AP5M1: variants seen among roughly 807,000 people sequenced by gnomAD.
AP5M1 encodes adaptor related protein complex 5 subunit mu 1.
A neutral mutation model predicts 52.3 loss-of-function variants in AP5M1; 44 were observed. The ratio of observed to expected loss-of-function variants is 0.84; its 90% confidence interval spans 0.66 to 1.08. The LOEUF is 1.08. AP5M1 is among the 50% of genes least tolerant of loss of function. The pLI is 0.00. For missense variants in AP5M1, 526 were observed against 568.4 expected, an observed-to-expected ratio of 0.93 and a Z score of 0.76; for synonymous variants, 213 against 199.0, an observed-to-expected ratio of 1.07 and a Z score of -0.59.
chr14:57,296,663 A>G lies in AP5M1; in HGVS notation c.*7779A>G, dbSNP rs1385788686. 2.0e-5 allele frequency: 3 copies of G among 152,218 alleles called. No homozygotes were observed. The East Asian group carries it at 5.8e-4, about 29-fold the overall frequency. 9.4% of individuals were successfully genotyped at this position (152,218 alleles called of 1,614,324 possible). On this transcript the variant is annotated 3_prime_UTR_variant, in exon 8 of 8. Transcript: ENST00000261558. ...CTCGTGCCATAAGTATTTCTCTCAT[A>G]CATATTAAAATAGCATGTTATTTTA...
At position 57,294,676 on chromosome 14, in the gene AP5M1, T is replaced by G. The variant is rs575072342; in HGVS notation, c.*5792T>G. 19 of 152,042 alleles carry G rather than the reference T, an allele frequency of 1.2e-4. No individual in the cohort carries two copies. Among genetic ancestry groups the G allele is most frequent in the African/African-American group, 4.3e-4 (18 of 41,532 alleles). 9.4% of individuals were successfully genotyped at this position (152,042 alleles called of 1,614,324 possible). A position where few individuals can be genotyped will look rare whatever the true frequency, so the allele number is the denominator to read the frequency against. On this transcript the variant is annotated 3_prime_UTR_variant, in exon 8 of 8. Transcript: ENST00000261558. The stretch of plus-strand genomic sequence containing the variant: ...TTCCAGACTACTTAGCTGGGGCTCT[T>G]TAAATGTTGGAACTATAGTAACACA...
In AP5M1 at chr14:57,273,789, C is replaced by G. The variant is rs1884949950; in HGVS notation, c.75-455C>G. 5.7e-6 allele frequency: 4 copies of G among 699,284 alleles called. No individual in the cohort carries two copies. The South Asian group carries it at 6.0e-5, about 10-fold the overall frequency. The allele number at this position is 699,284 out of a possible 1,614,324, so 43.3% of individuals were successfully genotyped here. ...AACATTCCTTTTAAAATTGTACCATCTCAACTAATGAATCCAAAATTATGG... is the reference window on the plus strand; with the variant it reads ...AACATTCCTTTTAAAATTGTACCATGTCAACTAATGAATCCAAAATTATGG... On this transcript the variant is annotated intron_variant, in intron 1 of 7. Coordinates refer to ENST00000261558, the MANE Select transcript of AP5M1 (RefSeq NM_018229.4).
intron 6 of AP5M1, among the ~76,000 whole-genome samples, 185 bp from the exon 7 acceptor site, chr14:57,286,038 A>G (rs996135361): frequency 1.3e-5 from 2 of 152,190 alleles, no homozygotes; most frequent in Non-Finnish European, 2.9e-5. Flanking sequence ...AAACGGAAAA[A>G]AAAACTGTGT....
At position 57,293,219 on chromosome 14, in the gene AP5M1, C is replaced by T. The variant is rs1423250474; in HGVS notation, c.*4335C>T. 3.3e-5 allele frequency: 5 copies of T among 151,194 alleles called. No homozygotes were observed. Among genetic ancestry groups the T allele is most frequent in the Non-Finnish European group, 5.9e-5 (4 of 67,658 alleles). The allele number at this position is 151,194 out of a possible 1,614,324, so 9.4% of individuals were successfully genotyped here. A position where few individuals can be genotyped will look rare whatever the true frequency, so the allele number is the denominator to read the frequency against. On this transcript the variant is annotated 3_prime_UTR_variant, in exon 8 of 8. Coordinates refer to ENST00000261558, the MANE Select transcript of AP5M1 (RefSeq NM_018229.4). ...GATGTCAAATCGGGATTTATTCCTC[C>T]AGTATATTTTAAGACCTTTAAAAAA...
intron 1 of AP5M1, among the ~76,000 whole-genome samples, chr14:57,271,725 T>C (rs1470580641): frequency 6.6e-6 from 1 of 152,254 alleles, no homozygotes; most frequent in Non-Finnish European, 1.5e-5. Flanking sequence ...TGAAGTTTTT[T>C]CTCACCCATA....
chr14:57,269,274 A>G lies in AP5M1; in HGVS notation c.-41A>G, dbSNP rs1884812871. The stretch of plus-strand genomic sequence containing the variant: ...CGGTCTGCGCTGTTCCTCGGTGGCG[A>G]CCTTAATTATGAGATGAGCTAATGC... On this transcript the variant is annotated 5_prime_UTR_variant, in exon 1 of 8. Transcript: ENST00000261558. 6.3e-7 allele frequency: 1 copy of G among 1,598,762 alleles called. No individual in the cohort carries two copies. The highest frequency in any genetic ancestry group is 1.3e-5 in the African/African-American group (1 of 74,266).
In AP5M1 at chr14:57,295,147, TAGG is replaced by T. The variant is rs1405265752; in HGVS notation, c.*6266_*6268del. The T allele has an allele frequency of 1.3e-5, 2 of 151,894 alleles. No individual in the cohort carries two copies. 9.4% of individuals were successfully genotyped at this position (151,894 alleles called of 1,614,324 possible). On this transcript the variant is annotated 3_prime_UTR_variant, in exon 8 of 8. Transcript: ENST00000261558. ...GTAGCAGATTTGTTTCTAAAGGACA[TAGG>T]AGTGCATTTTTTATATGAAACCAGA...
intron 1 of AP5M1, chr14:57,273,654 C>T (rs1347612155): frequency 4.2e-5 from 29 of 693,794 alleles, no homozygotes; most frequent in Non-Finnish European, 7.1e-5. Context: ...AAAGTATCTT[C>T]CAGGGCCATA....
In AP5M1 at chr14:57,283,210, G is replaced by A. The variant is rs1171478546; in HGVS notation, c.1273G>A (p.Gly425Arg). The A allele has an allele frequency of 1.2e-6, 2 of 1,610,016 alleles. No homozygotes were observed. The highest frequency in any genetic ancestry group is 1.7e-6 in the Non-Finnish European group (2 of 1,176,754). The change falls in exon 6 of 8, where the codon GGA (glycine) becomes AGA (arginine). Residue 425 changes from glycine (G) to arginine (R), a missense_variant. Around this residue, in one of 3 missense-constraint regions of AP5M1, gnomAD observed 97 missense variants for 121.3 expected, o/e 0.80. Coordinates refer to ENST00000261558, the MANE Select transcript of AP5M1 (RefSeq NM_018229.4). Reference protein sequence around the residue: ...EKQPFDPICTGETAYLKLHFR... With the variant: ...EKQPFDPICTRETAYLKLHFR... ...GCAGCCATTTGACCCAATTTGTACT[G>A]GAGAAACAGCATATTTAAAGGTAAA... is the stretch of plus-strand genomic sequence containing the variant.
At position 57,280,250 on chromosome 14, in the gene AP5M1, A is replaced by G. The variant is rs200156039; in HGVS notation, c.776A>G (p.Asn259Ser). The G allele has an allele frequency of 3.2e-5, 52 of 1,613,938 alleles. No individual in the cohort carries two copies. The highest frequency in any genetic ancestry group is 1.6e-4 in the Middle Eastern group (1 of 6,084). Residue 259 changes from asparagine to serine, a missense_variant, in exon 3 of 8, where the codon AAT becomes AGT. Asn to Ser is a conservative substitution (Grantham distance 46, BLOSUM62 1). Transcript: ENST00000261558. ...NVTISLSLPT[N>S]GSPLQDILVH... ...ACCATCAGCTTGAGTCTCCCCACCA[A>G]TGGATCTCCACTTCAGGATATTCTA...
Position 57,283,148 on chromosome 14 carries a change from C to G in AP5M1, c.1211C>G (p.Ser404Cys), listed in dbSNP as rs756510801. The G allele has an allele frequency of 6.2e-7, 1 of 1,613,708 alleles. No homozygotes were observed. Among genetic ancestry groups the G allele is most frequent in the Non-Finnish European group, 8.5e-7 (1 of 1,179,874 alleles). The change falls in exon 6 of 8, where the codon TCT becomes TGT. Residue 404 changes from serine (S) to cysteine (C), a missense_variant. This residue lies in a region of AP5M1 where 97 missense variants were observed against 121.3 expected (regional missense o/e 0.80). Coordinates refer to ENST00000261558, the MANE Select transcript of AP5M1 (RefSeq NM_018229.4). ...CCAAAATCAATGGAAATTAGTCTTT[C>G]TGGAACTGTAACTTTTGGAGCCAAG... is the stretch of plus-strand genomic sequence containing the variant. ...KFPKSMEISLSGTVTFGAKSH... is the reference protein window; with the variant it reads ...KFPKSMEISLCGTVTFGAKSH...
chr14:57,283,349 G>T, intron 6 of AP5M1, 119 bp downstream of exon 6: 1 of 666,490 alleles, frequency 1.5e-6, no homozygotes, highest in Non-Finnish European at 2.5e-6. Context: ...CTTTTAGTCT[G>T]GGATAAGTTC....
chr14:57,274,909 C>A lies in AP5M1; in HGVS notation c.720+20C>A, dbSNP rs372739651. 69 of 1,611,364 alleles carry A rather than the reference C, an allele frequency of 4.3e-5. 1 individual carries two copies. The highest frequency in any genetic ancestry group is 4.2e-4 in the Admixed American group (25 of 59,934). On this transcript the variant is annotated intron_variant, in intron 2 of 7. Transcript: ENST00000261558. ...TGCAAGGTGAGATTTTTCTCTGGTACTTGCTTTATCGTTTTATTTAACATA... is the reference window on the plus strand; with the variant it reads ...TGCAAGGTGAGATTTTTCTCTGGTAATTGCTTTATCGTTTTATTTAACATA...
chr14:57,293,812 A>G lies in AP5M1; in HGVS notation c.*4928A>G, dbSNP rs1885493058. 6.6e-6 allele frequency: 1 copy of G among 151,696 alleles called. No homozygotes were observed. The allele number at this position is 151,696 out of a possible 1,614,324, so 9.4% of individuals were successfully genotyped here. On this transcript the variant is annotated 3_prime_UTR_variant, in exon 8 of 8. Transcript: ENST00000261558. ...GACTTGGTGGGTTTCCCTGTGAAAC[A>G]TGTCAGTATCATGTAAGATGAAGAA...
chr14:57,274,995 C>T (rs1311886211), intron 2 of AP5M1, 106 bp downstream of exon 2: 2 of 1,350,522 alleles, frequency 1.5e-6, no homozygotes, highest in South Asian at 1.3e-5. Context: ...TCATCTTAAG[C>T]AGCAGTTTTT....
intron 1 of AP5M1, among the ~76,000 whole-genome samples, chr14:57,272,992 TCTCGG>T (rs368746030): frequency 1.2e-4 from 18 of 152,122 alleles, no homozygotes; most frequent in East Asian, 1.9e-4. Context: ...AGTGTCACAA[TCTCGG>T]CTCGGCTCGG....
chr14:57,289,753 G>A lies in AP5M1; in HGVS notation c.*869G>A, dbSNP rs1885397196. On this transcript the variant is annotated 3_prime_UTR_variant, in exon 8 of 8. Coordinates refer to ENST00000261558, the MANE Select transcript of AP5M1 (RefSeq NM_018229.4). ...AGTTAAAATTAATGAATGAATTCTGGTAAAAATTCAAAAGGCACTCTGTGA... is the reference window on the plus strand; with the variant it reads ...AGTTAAAATTAATGAATGAATTCTGATAAAAATTCAAAAGGCACTCTGTGA... The A allele has an allele frequency of 6.6e-6, 1 of 151,888 alleles. No homozygotes were observed. Among genetic ancestry groups the A allele is most frequent in the Non-Finnish European group, 1.5e-5 (1 of 67,916 alleles). 9.4% of individuals were successfully genotyped at this position (151,888 alleles called of 1,614,324 possible). A position where few individuals can be genotyped will look rare whatever the true frequency, so the allele number is the denominator to read the frequency against.
Position 57,290,375 on chromosome 14 carries a change from T to G in AP5M1, c.*1491T>G, listed in dbSNP as rs948210763. ...CATAGATAATCAGCAGTGAAAACTT[T>G]CCTTTTGAAAGAAGAAAATATCATT... On this transcript the variant is annotated 3_prime_UTR_variant, in exon 8 of 8. Coordinates refer to ENST00000261558, the MANE Select transcript of AP5M1 (RefSeq NM_018229.4). The G allele has an allele frequency of 1.3e-5, 2 of 152,008 alleles. No homozygotes were observed. The highest frequency in any genetic ancestry group is 4.8e-5 in the African/African-American group (2 of 41,438). The allele number at this position is 152,008 out of a possible 1,614,324, so 9.4% of individuals were successfully genotyped here. A position where few individuals can be genotyped will look rare whatever the true frequency, so the allele number is the denominator to read the frequency against.
chr14:57,285,679 T>G (rs1162945664), intron 6 of AP5M1, among the ~76,000 whole-genome samples: 3 of 152,208 alleles, frequency 2.0e-5, no homozygotes, highest in Admixed American at 2.0e-4. Flanking sequence ...GATAAACTGA[T>G]GTTTCTGTTT....
Sources: gnomAD v4.1 joint callset for allele counts (sites outside exome capture counted in the v4.1 genomes callset) on GRCh38, gnomAD v4.1.1 for gene constraint, gnomAD v4.1.1 regional missense constraint, MANE v1.5 for transcripts, NCBI Gene and HGNC (gene_info 2026-07-23, HGNC 2026-07-21) for gene names.